The following TOX3 variants were observed in gnomAD, a reference collection of about 807,000 sequenced individuals.
TOX3 encodes CAG trinucleotide repeat-containing gene F9 protein.
TOX3 carries 22 observed loss-of-function variants against 64.3 expected under a neutral mutation model. That is an observed-to-expected ratio of 0.34 (90% CI 0.24 to 0.49). The LOEUF (loss-of-function observed/expected upper bound fraction) is 0.49. TOX3 is among the 20% of genes least tolerant of loss of function. TOX3 has a pLI of 0.99. For synonymous variants in TOX3, 291 were observed against 273.6 expected, an observed-to-expected ratio of 1.06 and a Z score of -0.63; for missense variants, 661 against 714.4, an observed-to-expected ratio of 0.93 and a Z score of 0.85.
At chr16:52,522,763 C>G (rs1159280776) in intron 1 of TOX3, among the ~76,000 whole-genome samples, 1 of 152,192 alleles carries the variant, frequency 6.6e-6, no homozygotes, top group East Asian at 1.9e-4. Flanking sequence ...GTCTACAATC[C>G]AAGTGTCTCT....
chr16:52,547,086 G>T lies in TOX3; in HGVS notation c.-363C>A. The T allele has an allele frequency of 2.7e-6, 1 of 365,512 alleles. No homozygotes were observed. Among genetic ancestry groups the T allele is most frequent in the Non-Finnish European group, 3.8e-6 (1 of 265,634 alleles). 22.6% of individuals were successfully genotyped at this position (365,512 alleles called of 1,614,324 possible). On this transcript the variant is annotated 5_prime_UTR_variant, in exon 1 of 7. Coordinates refer to ENST00000219746, the MANE Select transcript of TOX3 (RefSeq NM_001080430.4). ...GGCTGGGACGGCGGCGGCGGCGGCG[G>T]CTGGCCCCGCTCCTCCTCCTCCTCC...
At chr16:52,524,263 T>A (rs1305696381) in intron 1 of TOX3, among the ~76,000 whole-genome samples, 1 of 152,206 alleles carries the variant, frequency 6.6e-6, no homozygotes, top group Non-Finnish European at 1.5e-5. Context: ...TCAAATTTAA[T>A]AACTCACTGA....
chr16:52,489,825 G>T (rs1017703997), intron 1 of TOX3, among the ~76,000 whole-genome samples: 3 of 149,806 alleles, frequency 2.0e-5, no homozygotes, highest in African/African-American at 4.9e-5. Context: ...CCAAAGCCAC[G>T]ACCTTTGATT....
chr16:52,462,183 A>G (rs1960711205), intron 3 of TOX3, among the ~76,000 whole-genome samples: 1 of 152,140 alleles, frequency 6.6e-6, no homozygotes, highest in Admixed American at 6.5e-5. Context: ...GCACTTAGCT[A>G]AAGTACCTAT....
intron 1 of TOX3, among the ~76,000 whole-genome samples, chr16:52,484,185 T>C (rs1961446318): frequency 6.6e-6 from 1 of 152,216 alleles, no homozygotes; most frequent in Admixed American, 6.5e-5. Flanking sequence ...GGAAATTTCT[T>C]TAAACAAAGT....
intron 3 of TOX3, among the ~76,000 whole-genome samples, chr16:52,462,576 A>G (rs944844326): frequency 8.5e-5 from 13 of 152,252 alleles, no homozygotes; most frequent in African/African-American, 3.1e-4. Context: ...CTGCAACTTA[A>G]ATGAGCCTCT....
In TOX3 at chr16:52,439,664, T is replaced by C; in HGVS notation, c.1292A>G (p.Gln431Arg). The C allele has an allele frequency of 1.2e-6, 2 of 1,613,814 alleles. No homozygotes were observed. The highest frequency in any genetic ancestry group is 1.7e-6 in the Non-Finnish European group (2 of 1,179,774). ...CTGGGTTTGCACCGAAGGACTCACT[T>C]GGGTGGAGGGTGCTGAGCCAACCAT... ...TTMVGSAPST[Q>R]VSPSVQTQQH... The change falls in exon 7 of 7, where the codon CAA (glutamine) becomes CGA (arginine). Residue 431 changes from glutamine (Q) to arginine (R), a missense_variant. By Grantham distance (43) the Gln-to-Arg change is conservative. This residue lies in a region of TOX3 where 299 missense variants were observed against 292.1 expected (regional missense o/e 1.02). Coordinates refer to ENST00000219746, the MANE Select transcript of TOX3 (RefSeq NM_001080430.4).
intron 1 of TOX3, among the ~76,000 whole-genome samples, chr16:52,540,819 A>G (rs1246271491): frequency 1.3e-5 from 2 of 152,230 alleles, no homozygotes; most frequent in Non-Finnish European, 2.9e-5. Context: ...TAAAACTCCA[A>G]GGATAGCAGA....
intron 1 of TOX3, among the ~76,000 whole-genome samples, chr16:52,544,897 G>A (rs1963143398): frequency 6.6e-6 from 1 of 152,194 alleles, no homozygotes; most frequent in Non-Finnish European, 1.5e-5. Context: ...TGTCATTCGA[G>A]TGTTGCAGAT....
intron 5 of TOX3, 33 bp from the exon 6 acceptor site, chr16:52,444,389 G>T: frequency 6.7e-7 from 1 of 1,497,366 alleles, no homozygotes; most frequent in Non-Finnish European, 9.1e-7. Context: ...ACCACCTTTA[G>T]CGTATAAATT....
Position 52,476,342 on chromosome 16 carries a change from G to A in TOX3, c.88-7768C>T, listed in dbSNP as rs547516407. Among the ~76,000 whole-genome samples, 72 of 152,224 alleles carry A rather than the reference G, an allele frequency of 4.7e-4. 1 individual carries two copies. Among genetic ancestry groups the A allele is most frequent in the South Asian group, 8.3e-4 (4 of 4,822 alleles). The stretch of plus-strand genomic sequence containing the variant: ...CTGGACACATTTGAGTCTGTGAATC[G>A]CATAACCATCTGGACTAGTTAAAAG... On this transcript the variant is annotated intron_variant, in intron 1 of 6. Transcript: ENST00000219746.
chr16:52,439,560 G>T lies in TOX3; in HGVS notation c.1396C>A (p.Gln466Lys), dbSNP rs776043888. Reference sequence around the variant, plus strand: ...TGGATTTGCTGATGCATTTGGTGCTGCTGGAGTTGCTGCTGCTGCATCTGT... The same window carrying T: ...TGGATTTGCTGATGCATTTGGTGCTTCTGGAGTTGCTGCTGCTGCATCTGT... ...MQQMQQQQLQQHQMHQQIQQQ... is the reference protein window; with the variant it reads ...MQQMQQQQLQKHQMHQQIQQQ... The change falls in exon 7 of 7, where the codon CAG becomes AAG. Residue 466 changes from glutamine (Q) to lysine (K), a missense_variant. Physicochemically the swap from Gln to Lys is moderately conservative, Grantham distance 53 (BLOSUM62 1). Around this residue, in one of 3 missense-constraint regions of TOX3, gnomAD observed 299 missense variants for 292.1 expected, o/e 1.02. Transcript: ENST00000219746. 3 of 1,528,312 alleles carry T rather than the reference G, an allele frequency of 2.0e-6. No homozygotes were observed. The highest frequency in any genetic ancestry group is 1.4e-5 in the African/African-American group (1 of 72,886). 94.7% of individuals were successfully genotyped at this position (1,528,312 alleles called of 1,614,324 possible).
chr16:52,471,087 T>C (rs1470916753), intron 1 of TOX3, among the ~76,000 whole-genome samples: 3 of 152,096 alleles, frequency 2.0e-5, no homozygotes, highest in African/African-American at 4.8e-5. Flanking sequence ...CCAGTTAAAT[T>C]TATTGAATAA....
chr16:52,520,870 G>T (rs769763671), intron 1 of TOX3, among the ~76,000 whole-genome samples: 1 of 152,066 alleles, frequency 6.6e-6, no homozygotes, highest in Non-Finnish European at 1.5e-5. Flanking sequence ...GTATAGTATT[G>T]TGAGCCTTTA....
chr16:52,546,688 G>T lies in TOX3; in HGVS notation c.36C>A (p.Asp12Glu). 6.5e-7 allele frequency: 1 copy of T among 1,542,448 alleles called. No individual in the cohort carries two copies. The highest frequency in any genetic ancestry group is 8.7e-7 in the Non-Finnish European group (1 of 1,147,872). ...ACTGCGCGAAGTCCAGGCTGGCAGG[G>T]TCCCCGGCCGCCGCGGGGTAGAACC... Reference protein sequence around the residue: ...DVRFYPAAAGDPASLDFAQCL... With the variant: ...DVRFYPAAAGEPASLDFAQCL... Residue 12 changes from aspartate to glutamate, a missense_variant, in exon 1 of 7, where the codon GAC becomes GAA. By Grantham distance (45) the Asp-to-Glu change is conservative (BLOSUM62 2). Coordinates refer to ENST00000219746, the MANE Select transcript of TOX3 (RefSeq NM_001080430.4).
chr16:52,502,459 T>C (rs1175410266), intron 1 of TOX3, among the ~76,000 whole-genome samples: 3 of 151,954 alleles, frequency 2.0e-5, no homozygotes, highest in African/African-American at 4.8e-5. Flanking sequence ...AAATCCATAT[T>C]CAACAAAAAA....
intron 1 of TOX3, among the ~76,000 whole-genome samples, chr16:52,509,648 C>G (rs1365195836): frequency 1.3e-5 from 2 of 152,206 alleles, no homozygotes; most frequent in African/African-American, 2.4e-5. Context: ...TTGCCAATCA[C>G]ACACGCCCAC....
At chr16:52,494,673 C>G (rs1254781573) in intron 1 of TOX3, among the ~76,000 whole-genome samples, 2 of 152,234 alleles carry the variant, frequency 1.3e-5, no homozygotes, top group East Asian at 3.8e-4. Context: ...AGATCATCCT[C>G]TCAACATTTT....
At position 52,439,243 on chromosome 16, in the gene TOX3, C is replaced by A. The variant is rs768911675; in HGVS notation, c.1713G>T (p.Ser571=). 2 of 1,613,740 alleles carry A rather than the reference C, an allele frequency of 1.2e-6. No individual in the cohort carries two copies. The highest frequency in any genetic ancestry group is 2.7e-5 in the African/African-American group (2 of 74,878). The change falls in exon 7 of 7, where the codon TCG becomes TCT. Residue 571 remains serine (S), a synonymous_variant. Transcript: ENST00000219746. ...IQSQTQTQVL[S]QVSIF is the part of the protein sequence containing the mutation. The stretch of plus-strand genomic sequence containing the variant: ...TGCGTCTTCAGAAAATACTGACCTG[C>A]GATAATACTTGAGTCTGTGTCTGAG...
Sources: allele counts gnomAD v4.1 joint callset (sites outside exome capture counted in the v4.1 genomes callset), GRCh38; gene constraint gnomAD v4.1.1; regional missense constraint gnomAD v4.1.1; transcripts MANE v1.5; gene names NCBI Gene and HGNC (gene_info 2026-07-23, HGNC 2026-07-21).